Variants in YWHAE observed in about 807,000 individuals in gnomAD.
The protein encoded by YWHAE is 14-3-3 protein epsilon.
YWHAE carries 4 observed loss-of-function variants against 30.1 expected under a neutral mutation model. The observed-to-expected ratio is 0.13, with a 90% CI of 0.07 to 0.30. YWHAE has a LOEUF of 0.30. Ranked by LOEUF, YWHAE falls within the 10% of genes least tolerant of loss-of-function variation. The pLI, the probability that YWHAE is intolerant of heterozygous loss-of-function variation, is 1.00. For missense variants in YWHAE, 121 were observed against 315.9 expected (o/e 0.38, Z 4.68); for synonymous variants, 118 against 111.8 (o/e 1.06, Z -0.35).
rs535052529 is a variant in YWHAE, at chr17:1,375,104, G to A, written c.65-10046C>T. ...AAGCACATCACTCCTTCAAGAGTATGGAAAGTCAACTTCTCAATCTCTCCA... is the reference window on the plus strand; with the variant it reads ...AAGCACATCACTCCTTCAAGAGTATAGAAAGTCAACTTCTCAATCTCTCCA... On this transcript the variant is annotated intron_variant, in intron 1 of 5. Transcript: ENST00000264335. 8.8e-4 allele frequency among the ~76,000 whole-genome samples: 134 copies of A among 152,246 alleles called. No homozygotes were observed. In the Middle Eastern group the frequency reaches 0.01, roughly 12 times the overall value.
At chr17:1,382,629 G>A (rs547608749) in intron 1 of YWHAE, among the ~76,000 whole-genome samples, 81 of 152,146 alleles carry the variant, frequency 5.3e-4, no homozygotes, top group African/African-American at 1.8e-3. Flanking sequence ...CAAAGTGCTA[G>A]GATTACAGGC....
At chr17:1,351,007 C>T (rs1232185851) in intron 5 of YWHAE, among the ~76,000 whole-genome samples, 2 of 150,402 alleles carry the variant, frequency 1.3e-5, no homozygotes, top group Non-Finnish European at 3.0e-5. Flanking sequence ...TGCAGTGAGC[C>T]GAGATCGCAC....
chr17:1,388,117 G>GTTTTTTTTTTT (rs1491196737), intron 1 of YWHAE, among the ~76,000 whole-genome samples: 7 of 65,110 alleles, frequency 1.1e-4, no homozygotes, highest in Admixed American at 2.6e-4. Flanking sequence ...TTTTTTGGTT[G>GTTTTTTTTTTT]GTTTTTTTTT....
intron 1 of YWHAE, among the ~76,000 whole-genome samples, chr17:1,391,267 T>G (rs1295350364): frequency 6.6e-6 from 1 of 152,000 alleles, no homozygotes; most frequent in African/African-American, 2.4e-5. Context: ...TTGACTTATA[T>G]TCTGCCAAAG....
At chr17:1,395,096 A>T (rs2073448931) in intron 1 of YWHAE, among the ~76,000 whole-genome samples, 1 of 152,026 alleles carries the variant, frequency 6.6e-6, no homozygotes, top group South Asian at 2.1e-4. Context: ...CATCCATGAA[A>T]AAAAAAAACA....
At chr17:1,364,576 A>G (rs757934364) in intron 2 of YWHAE, among the ~76,000 whole-genome samples, 2 of 152,136 alleles carry the variant, frequency 1.3e-5, no homozygotes, top group African/African-American at 4.8e-5. Flanking sequence ...TGAAAATACA[A>G]TAGTTCCCCC....
chr17:1,345,558 C>G, intron 5 of YWHAE, 59 bp from the exon 6 acceptor site: 1 of 1,562,506 alleles, frequency 6.4e-7, no homozygotes, highest in Non-Finnish European at 8.8e-7. Flanking sequence ...CTATGGCAGC[C>G]ACAAACAAAG....
intron 1 of YWHAE, among the ~76,000 whole-genome samples, chr17:1,383,550 G>A (rs1025218937): frequency 3.3e-5 from 4 of 121,234 alleles, no homozygotes; most frequent in Non-Finnish European, 6.7e-5. Context: ...CACCACGCCC[G>A]GCAAGTTTTT....
chr17:1,363,759 T>G (rs182266033), intron 2 of YWHAE, among the ~76,000 whole-genome samples: 1 of 152,186 alleles, frequency 6.6e-6, no homozygotes, highest in Admixed American at 6.6e-5. Flanking sequence ...AGTCAGTAAC[T>G]GTGGTTCCCC....
At chr17:1,379,315 T>C (rs893831485) in intron 1 of YWHAE, among the ~76,000 whole-genome samples, 6 of 151,854 alleles carry the variant, frequency 4.0e-5, no homozygotes, top group African/African-American at 1.5e-4. Flanking sequence ...CAAAACTCCA[T>C]CTCTACTAAA....
At chr17:1,354,436 T>G (rs1425753569) in intron 4 of YWHAE, 89 bp from the exon 5 acceptor site, 1 of 1,323,268 alleles carries the variant, frequency 7.6e-7, no homozygotes, top group Non-Finnish European at 1.0e-6. Context: ...TTTCTTCAGT[T>G]ATTCCAGTTT....
intron 5 of YWHAE, among the ~76,000 whole-genome samples, chr17:1,349,989 G>C (rs959129310): frequency 1.4e-5 from 2 of 140,792 alleles, no homozygotes; most frequent in African/African-American, 5.4e-5. Flanking sequence ...TTTCTCTCTT[G>C]TTGCCCAGGC....
intron 1 of YWHAE, among the ~76,000 whole-genome samples, chr17:1,386,724 C>T (rs997213792): frequency 2.0e-5 from 3 of 152,112 alleles, no homozygotes; most frequent in Non-Finnish European, 4.4e-5. Flanking sequence ...CCAAGGCAGG[C>T]GGATCACCTG....
At chr17:1,375,204 G>A (rs1410322758) in intron 1 of YWHAE, among the ~76,000 whole-genome samples, 1 of 152,120 alleles carries the variant, frequency 6.6e-6, no homozygotes, top group African/African-American at 2.4e-5. Flanking sequence ...CAATATCACT[G>A]TCATCTTTAT....
intron 5 of YWHAE, among the ~76,000 whole-genome samples, chr17:1,347,420 T>G (rs545721410): frequency 9.9e-5 from 15 of 151,988 alleles, no homozygotes; most frequent in Non-Finnish European, 1.6e-4. Flanking sequence ...GAGTTCTATT[T>G]CTGCAGTGAG....
chr17:1,372,858 C>G (rs1402965638), intron 1 of YWHAE, among the ~76,000 whole-genome samples: 1 of 152,084 alleles, frequency 6.6e-6, no homozygotes, highest in Admixed American at 6.6e-5. Context: ...GAGGCCGAGG[C>G]AGGAGGATTG....
At chr17:1,380,937 T>C (rs535406637) in intron 1 of YWHAE, among the ~76,000 whole-genome samples, 2 of 152,322 alleles carry the variant, frequency 1.3e-5, no homozygotes, top group East Asian at 3.9e-4. Context: ...ACAATTCCTG[T>C]ATTATACAAG....
intron 1 of YWHAE, among the ~76,000 whole-genome samples, chr17:1,375,875 C>CATA (rs1446356358): frequency 6.6e-6 from 1 of 152,166 alleles, no homozygotes; most frequent in African/African-American, 2.4e-5. Flanking sequence ...CAGACTAATT[C>CATA]ATAAATAAAA....
chr17:1,352,604 C>A (rs1396663746), intron 5 of YWHAE, among the ~76,000 whole-genome samples: 1 of 151,926 alleles, frequency 6.6e-6, no homozygotes, highest in Non-Finnish European at 1.5e-5. Flanking sequence ...CAGCTCACTG[C>A]AACCTCCGCC....
Sources: allele counts gnomAD v4.1 joint callset (sites outside exome capture counted in the v4.1 genomes callset), GRCh38; gene constraint gnomAD v4.1.1; transcripts MANE v1.5; gene names NCBI Gene and HGNC (gene_info 2026-07-23, HGNC 2026-07-21).